Variants in TMEM132D observed in about 807,000 individuals in gnomAD.
TMEM132D encodes the protein mature OL transmembrane protein.
In TMEM132D, 21 loss-of-function variants were observed where a neutral mutation model predicts 62.3. That is an observed-to-expected ratio of 0.34 (90% confidence interval 0.24 to 0.49). The LOEUF is 0.49. Among genes scored for constraint, TMEM132D ranks in the 20% least tolerant of loss-of-function variants. The probability of loss-of-function intolerance (pLI) is 0.99; values close to 1 mark genes in which losing one functional copy is unlikely to be tolerated. For missense variants in TMEM132D, 1,346 were observed against 1,402.8 expected, an observed-to-expected ratio of 0.96 and a Z score of 0.65; for synonymous variants, 621 against 575.6, an observed-to-expected ratio of 1.08 and a Z score of -1.13.
chr12:129,692,199 T>C (rs1881079137), intron 2 of TMEM132D, among the ~76,000 whole-genome samples: 1 of 152,162 alleles, frequency 6.6e-6, no homozygotes, highest in African/African-American at 2.4e-5. Context: ...CATTAACAAA[T>C]TGAATCCAAC....
At chr12:129,101,049 G>A (rs12427186) in intron 5 of TMEM132D, among the ~76,000 whole-genome samples, 29,912 of 151,702 alleles carry the variant, frequency 0.2, 3,355 homozygotes, top group Non-Finnish European at 0.24. Context: ...GCAGCGCTAG[G>A]CGGTGGCAGG....
intron 2 of TMEM132D, among the ~76,000 whole-genome samples, chr12:129,673,520 A>G (rs972145394): frequency 6.6e-6 from 1 of 150,814 alleles, no homozygotes; most frequent in African/African-American, 2.5e-5. Flanking sequence ...AAGAAATCTG[A>G]AAAAAATCAA....
intron 5 of TMEM132D, among the ~76,000 whole-genome samples, chr12:129,114,706 C>T (rs751070136): frequency 2.0e-5 from 3 of 152,178 alleles, no homozygotes; most frequent in Non-Finnish European, 1.5e-5. Flanking sequence ...TAAGTAAACT[C>T]TAACCTGCTT....
intron 3 of TMEM132D, among the ~76,000 whole-genome samples, chr12:129,423,406 C>T (rs1236605368): frequency 6.6e-6 from 1 of 152,202 alleles, no homozygotes; most frequent in African/African-American, 2.4e-5. Context: ...CCACTCTCTT[C>T]TGCAACATCC....
intron 3 of TMEM132D, among the ~76,000 whole-genome samples, chr12:129,502,300 T>C (rs1875173948): frequency 6.6e-6 from 1 of 152,082 alleles, no homozygotes; most frequent in Non-Finnish European, 1.5e-5. Flanking sequence ...CGCCCGGCCT[T>C]CTGTGACTTT....
intron 4 of TMEM132D, among the ~76,000 whole-genome samples, chr12:129,331,466 C>G (rs1458918682): frequency 6.6e-6 from 1 of 152,106 alleles, no homozygotes; most frequent in African/African-American, 2.4e-5. Context: ...AGTTTCAGAT[C>G]CATTCTAATA....
At chr12:129,729,207 T>C (rs1421260021) in intron 1 of TMEM132D, among the ~76,000 whole-genome samples, 1 of 152,198 alleles carries the variant, frequency 6.6e-6, no homozygotes, top group South Asian at 2.1e-4. Flanking sequence ...CCACAGACAT[T>C]TTATTTTTAA....
At chr12:129,624,967 G>A (rs887164679) in intron 2 of TMEM132D, among the ~76,000 whole-genome samples, 4 of 152,248 alleles carry the variant, frequency 2.6e-5, no homozygotes, top group Non-Finnish European at 4.4e-5. Flanking sequence ...CTCTGGCGAC[G>A]TGTGAGCGTT....
intron 4 of TMEM132D, among the ~76,000 whole-genome samples, chr12:129,216,060 T>C (rs1593299195): frequency 6.6e-6 from 1 of 152,284 alleles, no homozygotes; most frequent in East Asian, 1.9e-4. Flanking sequence ...AGCCAAACCA[T>C]ATCAGACTGC....
At chr12:129,500,630 T>C (rs1875111017) in intron 3 of TMEM132D, among the ~76,000 whole-genome samples, 2 of 152,176 alleles carry the variant, frequency 1.3e-5, no homozygotes, top group African/African-American at 2.4e-5. Context: ...CAACATGGTA[T>C]TAGGTATATA....
chr12:129,171,265 A>T (rs1048996350), intron 5 of TMEM132D, among the ~76,000 whole-genome samples: 3 of 152,214 alleles, frequency 2.0e-5, no homozygotes, highest in African/African-American at 4.8e-5. Flanking sequence ...AAGGTTTGTC[A>T]TGAGATTGTG....
intron 3 of TMEM132D, among the ~76,000 whole-genome samples, chr12:129,426,329 C>T (rs1872495651): frequency 1.3e-5 from 2 of 152,336 alleles, no homozygotes; most frequent in South Asian, 4.2e-4. Flanking sequence ...AGCAAAACCT[C>T]TCCAGAAACC....
chr12:129,745,845 G>A (rs181562985), intron 1 of TMEM132D, among the ~76,000 whole-genome samples: 25 of 152,264 alleles, frequency 1.6e-4, no homozygotes, highest in East Asian at 5.8e-4. Flanking sequence ...TAAACTATTC[G>A]CCTGCGTAGA....
At chr12:129,088,860 C>T (rs1302037691) in intron 5 of TMEM132D, among the ~76,000 whole-genome samples, 1 of 31,246 alleles carries the variant, frequency 3.2e-5, no homozygotes, top group African/African-American at 2.7e-4. Flanking sequence ...GGGTGTCCTC[C>T]ATGACCGGGT....
intron 2 of TMEM132D, among the ~76,000 whole-genome samples, chr12:129,675,658 C>T (rs1880610219): frequency 6.6e-6 from 1 of 152,134 alleles, no homozygotes; most frequent in Non-Finnish European, 1.5e-5. Context: ...GATGGTGTGG[C>T]CCCAGGGGAC....
At chr12:129,463,130 C>CA (rs1873737618) in intron 3 of TMEM132D, among the ~76,000 whole-genome samples, 3 of 152,236 alleles carry the variant, frequency 2.0e-5, no homozygotes, top group Admixed American at 2.0e-4. Context: ...GCTGAACCTA[C>CA]ACAGTGCTGT....
At chr12:129,211,397 C>T (rs898266308) in intron 4 of TMEM132D, among the ~76,000 whole-genome samples, 4 of 152,194 alleles carry the variant, frequency 2.6e-5, no homozygotes, top group Middle Eastern at 3.4e-3. Flanking sequence ...TCTAAGACTG[C>T]GAGCTCAGTA....
At chr12:129,101,348 T>C (rs1218571768) in intron 5 of TMEM132D, among the ~76,000 whole-genome samples, 1 of 152,236 alleles carries the variant, frequency 6.6e-6, no homozygotes, top group Non-Finnish European at 1.5e-5. Flanking sequence ...AGTCACTGAA[T>C]GCAGAGCTGG....
intron 5 of TMEM132D, among the ~76,000 whole-genome samples, chr12:129,114,413 C>T (rs1875822965): frequency 1.3e-5 from 2 of 151,642 alleles, no homozygotes; most frequent in African/African-American, 4.9e-5. Flanking sequence ...TCCTTCCCTC[C>T]TTCCCTCCTT....
Sources: allele counts gnomAD v4.1 joint callset (sites outside exome capture counted in the v4.1 genomes callset), GRCh38; gene constraint gnomAD v4.1.1; transcripts MANE v1.5; gene names NCBI Gene and HGNC (gene_info 2026-07-23, HGNC 2026-07-21).